CNTNAP2: variants seen among roughly 807,000 people sequenced by gnomAD.
CNTNAP2 encodes the protein contactin-associated protein-like 2.
Under a neutral mutation model 155.2 loss-of-function variants are expected in CNTNAP2, and 98 were observed. That is an observed-to-expected ratio of 0.63 (90% CI 0.54 to 0.75). The LOEUF (loss-of-function observed/expected upper bound fraction) is 0.75. CNTNAP2 is among the 30% of genes least tolerant of loss of function. CNTNAP2 has a pLI of 0.00. For synonymous variants in CNTNAP2, 651 were observed against 631.2 expected (o/e 1.03, Z -0.47); for missense variants, 1,727 against 1,688.1 (o/e 1.02, Z -0.40).
chr7:147,761,910 G>A (rs1018767171), intron 13 of CNTNAP2, among the ~76,000 whole-genome samples: 1 of 152,004 alleles, frequency 6.6e-6, no homozygotes, highest in African/African-American at 2.4e-5. Context: ...CTATGTTTAT[G>A]GGCTATGGCA....
At chr7:146,331,216 A>G (rs936042773) in intron 1 of CNTNAP2, among the ~76,000 whole-genome samples, 49 of 150,790 alleles carry the variant, frequency 3.2e-4, no homozygotes, top group African/African-American at 1.2e-3. Context: ...AGGCAGGAGA[A>G]TGGCGTGAAC....
chr7:148,164,052 A>T (rs1216683754), intron 17 of CNTNAP2, among the ~76,000 whole-genome samples: 2 of 152,190 alleles, frequency 1.3e-5, no homozygotes. Context: ...CTCCTGCCAC[A>T]GCCTCCCAAC....
At chr7:148,348,287 A>T (rs1798361780) in intron 21 of CNTNAP2, among the ~76,000 whole-genome samples, 3 of 152,218 alleles carry the variant, frequency 2.0e-5, no homozygotes, top group Non-Finnish European at 4.4e-5. Context: ...ATAAAGCCTT[A>T]TCTTTGTGTT....
chr7:146,502,248 T>TG (rs1158942861), intron 1 of CNTNAP2, among the ~76,000 whole-genome samples: 1 of 135,838 alleles, frequency 7.4e-6, no homozygotes, highest in African/African-American at 3.1e-5. Flanking sequence ...TATATATATA[T>TG]ATATATATAT....
intron 13 of CNTNAP2, among the ~76,000 whole-genome samples, chr7:147,840,586 T>C (rs13233606): frequency 0.074 from 11,205 of 152,184 alleles, 443 homozygotes; most frequent in East Asian, 0.14. Context: ...AAAGCACTTA[T>C]GCAGAATCAA....
At chr7:147,553,563 A>C (rs1007410218) in intron 11 of CNTNAP2, among the ~76,000 whole-genome samples, 3 of 152,192 alleles carry the variant, frequency 2.0e-5, no homozygotes, top group Non-Finnish European at 2.9e-5. Flanking sequence ...TTTAGTTAAC[A>C]TGCCTGCCCC....
chr7:146,898,251 A>C (rs1795918433), intron 3 of CNTNAP2, among the ~76,000 whole-genome samples: 1 of 152,136 alleles, frequency 6.6e-6, no homozygotes, highest in Admixed American at 6.6e-5. Context: ...AAAAATAGAG[A>C]TCACCTGCTG....
chr7:148,296,804 A>G (rs17170944), intron 21 of CNTNAP2, among the ~76,000 whole-genome samples: 7,230 of 152,242 alleles, frequency 0.047, 225 homozygotes, highest in African/African-American at 0.09. Flanking sequence ...TAATCTAAAC[A>G]AAGCAGCTCT....
chr7:147,095,287 C>T (rs1007096014), intron 4 of CNTNAP2, among the ~76,000 whole-genome samples: 4 of 150,892 alleles, frequency 2.7e-5, no homozygotes, highest in Admixed American at 1.3e-4. Context: ...CCTCCCACCT[C>T]GGCCTCCCAA....
At chr7:146,919,907 A>T (rs1417379961) in intron 3 of CNTNAP2, among the ~76,000 whole-genome samples, 3 of 152,174 alleles carry the variant, frequency 2.0e-5, no homozygotes, top group Admixed American at 2.0e-4. Context: ...GGGTCTCCAC[A>T]TGCTGCTCTG....
intron 10 of CNTNAP2, among the ~76,000 whole-genome samples, chr7:147,437,126 T>C (rs763935949): frequency 1.3e-5 from 2 of 152,032 alleles, no homozygotes; most frequent in African/African-American, 2.4e-5. Context: ...GGAACTAGTA[T>C]GTGGCCTGGA....
rs74628640 is a variant in CNTNAP2 at position 146,791,679 on chromosome 7, A to G, written c.208+17298A>G. Among the ~76,000 whole-genome samples, 35 of 152,292 alleles carry G rather than the reference A, an allele frequency of 2.3e-4. 1 individual carries two copies. The East Asian group carries it at 6.8e-3, about 29-fold the overall frequency. ...TAACTTTTCCTTCCACTGATATGAC[A>G]TACATTTGGAAATTATCAGTTCTCC... On this transcript the variant is annotated intron_variant, in intron 2 of 23. Coordinates refer to ENST00000361727, the MANE Select transcript of CNTNAP2 (RefSeq NM_014141.6).
chr7:147,339,637 A>G (rs1238274389), intron 9 of CNTNAP2, among the ~76,000 whole-genome samples: 1 of 152,198 alleles, frequency 6.6e-6, no homozygotes, highest in African/African-American at 2.4e-5. Context: ...TAAAAATTAT[A>G]AAAGAAAAAA....
chr7:148,187,109 T>TACAC (rs142565546), intron 18 of CNTNAP2, among the ~76,000 whole-genome samples: 550 of 49,298 alleles, frequency 0.011, 3 homozygotes, highest in African/African-American at 0.017. Flanking sequence ...CAAGGAAACA[T>TACAC]ACACACACAC....
At chr7:148,405,016 G>A (rs1249281955) in intron 22 of CNTNAP2, among the ~76,000 whole-genome samples, 1 of 152,092 alleles carries the variant, frequency 6.6e-6, no homozygotes, top group Non-Finnish European at 1.5e-5. Context: ...GGCAGGCCAG[G>A]CTGGTTTTGG....
intron 1 of CNTNAP2, among the ~76,000 whole-genome samples, chr7:146,463,724 G>GTATATGTATA (rs1563093895): frequency 1.3e-5 from 2 of 151,702 alleles, no homozygotes; most frequent in Non-Finnish European, 2.9e-5. Flanking sequence ...GTATATGTGT[G>GTATATGTATA]TATATATATA....
chr7:146,403,277 T>C (rs1795740538), intron 1 of CNTNAP2, among the ~76,000 whole-genome samples: 1 of 152,172 alleles, frequency 6.6e-6, no homozygotes, highest in African/African-American at 2.4e-5. Context: ...TAATTATCAA[T>C]AGTCACTTGC....
chr7:146,869,465 T>C (rs547524128), intron 3 of CNTNAP2, among the ~76,000 whole-genome samples: 76 of 152,208 alleles, frequency 5.0e-4, no homozygotes, highest in Middle Eastern at 3.4e-3. Context: ...GAATAGGATG[T>C]ATGTATATTT....
intron 3 of CNTNAP2, among the ~76,000 whole-genome samples, chr7:146,893,278 A>C (rs1351062092): frequency 6.6e-6 from 1 of 152,056 alleles, no homozygotes; most frequent in African/African-American, 2.4e-5. Context: ...TACCTTTGAC[A>C]GATTCCTTCT....
Sources: allele counts gnomAD v4.1 joint callset (sites outside exome capture counted in the v4.1 genomes callset), GRCh38; gene constraint gnomAD v4.1.1; transcripts MANE v1.5; gene names NCBI Gene and HGNC (gene_info 2026-07-23, HGNC 2026-07-21).